Variants in ACSS3 observed in about 807,000 individuals in gnomAD.
ACSS3 encodes acyl-CoA synthetase short chain family member 3, also known as acyl-CoA synthetase short-chain family member 3, mitochondrial.
ACSS3 carries 64 observed loss-of-function variants against 84.2 expected under a neutral mutation model. That is an observed-to-expected ratio of 0.76 (90% confidence interval 0.62 to 0.94). The LOEUF (loss-of-function observed/expected upper bound fraction) is 0.94, where lower values mean the gene tolerates loss of function less well. ACSS3 is among the 40% of genes least tolerant of loss of function. The pLI, the probability that ACSS3 is intolerant of heterozygous loss-of-function variation, is 0.00. For synonymous variants in ACSS3, 317 were observed against 310.1 expected, an observed-to-expected ratio of 1.02 and a Z score of -0.23; for missense variants, 815 against 867.6, an observed-to-expected ratio of 0.94 and a Z score of 0.76.
rs560341739 is a variant in ACSS3, at chr12:81,114,949, A to G, written c.456+5245A>G. On this transcript the variant is annotated intron_variant, in intron 2 of 15. Transcript: ENST00000548058. ...CAGCCCCTACATGATTGCTATTCAG[A>G]CATCTAAAGGTTTACCTGCTTTTGA... Among the ~76,000 whole-genome samples the G allele has an allele frequency of 5.3e-5, 8 of 152,266 alleles. No homozygotes were observed. In the South Asian group the frequency reaches 1.7e-3, roughly 32 times the overall value.
Position 81,155,489 on chromosome 12 carries a change from C to G in ACSS3, c.1098+3393C>G, listed in dbSNP as rs138186588. 2.2e-3 allele frequency among the ~76,000 whole-genome samples: 330 copies of G among 152,298 alleles called. 1 individual carries two copies. The highest frequency in any genetic ancestry group is 7.2e-3 in the African/African-American group (300 of 41,562). On this transcript the variant is annotated intron_variant, in intron 7 of 15. Coordinates refer to ENST00000548058, the MANE Select transcript of ACSS3 (RefSeq NM_024560.4). ...TGAACTGAGTTCTGTATCTCCACCC[C>G]ACCCTGCAAACCATATTTCCTTCAG... is the stretch of plus-strand genomic sequence containing the variant.
chr12:81,094,773 T>TATGAAAAA (rs1401092511), intron 1 of ACSS3: 2 of 152,116 alleles, frequency 1.3e-5, no homozygotes, highest in African/African-American at 4.8e-5. Context: ...AAAGATGTAA[T>TATGAAAAA]ATGAAAAAAT....
chr12:81,237,332 T>C (rs1031931530), intron 13 of ACSS3, among the ~76,000 whole-genome samples: 3 of 151,664 alleles, frequency 2.0e-5, no homozygotes, highest in Non-Finnish European at 4.4e-5. Flanking sequence ...CAAATCACTA[T>C]AGGTCTAATT....
chr12:81,119,310 C>T (rs1189104253), intron 2 of ACSS3, among the ~76,000 whole-genome samples: 1 of 152,116 alleles, frequency 6.6e-6, no homozygotes, highest in Admixed American at 6.5e-5. Flanking sequence ...GATCACAAGG[C>T]AAAGGGCAAA....
chr12:81,174,598 GCAAA>G, intron 7 of ACSS3, 186 bp from the exon 8 acceptor site: 1 of 511,488 alleles, frequency 2.0e-6, no homozygotes, highest in East Asian at 3.1e-5. Context: ...CTAAAATGGA[GCAAA>G]CAGTCTCTGT....
chr12:81,088,066 G>A (rs1235636690), intron 1 of ACSS3, among the ~76,000 whole-genome samples: 3 of 152,178 alleles, frequency 2.0e-5, no homozygotes, highest in African/African-American at 2.4e-5. Flanking sequence ...CCACATATAC[G>A]TGATTATGCG....
chr12:81,199,233 G>T, intron 8 of ACSS3, 108 bp from the exon 9 acceptor site: 3 of 922,426 alleles, frequency 3.3e-6, no homozygotes, highest in Non-Finnish European at 4.9e-6. Context: ...TTATATTGCT[G>T]TATTCCTCTG....
intron 1 of ACSS3, among the ~76,000 whole-genome samples, chr12:81,098,566 A>AG: frequency 6.6e-6 from 1 of 152,290 alleles, no homozygotes; most frequent in East Asian, 1.9e-4. Flanking sequence ...TACCTCACAG[A>AG]GTCCTCATGA....
intron 5 of ACSS3, among the ~76,000 whole-genome samples, chr12:81,144,615 A>T (rs1247426556): frequency 1.3e-5 from 2 of 152,214 alleles, no homozygotes; most frequent in Non-Finnish European, 2.9e-5. Flanking sequence ...AAAACTCCTG[A>T]CCCTGAAAAC....
At chr12:81,106,720 C>A (rs1284068661) in intron 1 of ACSS3, among the ~76,000 whole-genome samples, 2 of 152,004 alleles carry the variant, frequency 1.3e-5, no homozygotes, top group African/African-American at 2.4e-5. Flanking sequence ...ATGAACAAAG[C>A]CATTATAGCA....
At chr12:81,231,240 A>T (rs1330971060) in intron 12 of ACSS3, 102 bp downstream of exon 12, 1 of 976,996 alleles carries the variant, frequency 1.0e-6, no homozygotes, top group East Asian at 2.7e-5. Context: ...TCAAAAAGAA[A>T]CTTTTAAAGG....
chr12:81,220,914 G>A (rs1012942539), intron 11 of ACSS3, among the ~76,000 whole-genome samples: 3 of 151,536 alleles, frequency 2.0e-5, no homozygotes, highest in African/African-American at 7.3e-5. Context: ...TTTTCGTCTT[G>A]TTTTTCTGCT....
At chr12:81,247,978 T>C (rs1344227310) in intron 13 of ACSS3, among the ~76,000 whole-genome samples, 1 of 152,108 alleles carries the variant, frequency 6.6e-6, no homozygotes, top group Non-Finnish European at 1.5e-5. Flanking sequence ...ATCTACACTT[T>C]TCCAGTTTCC....
Position 81,257,432 on chromosome 12 carries a change from T to C in ACSS3, c.*2510T>C, listed in dbSNP as rs1353634387. ...TTAAAGATTCTGAATTAAATGTATC[T>C]TTAAAAACAACAATATAATATTACT... is the stretch of plus-strand genomic sequence containing the variant. On this transcript the variant is annotated 3_prime_UTR_variant, in exon 16 of 16. Transcript: ENST00000548058. 1 of 152,182 alleles carries C rather than the reference T, an allele frequency of 6.6e-6. No individual in the cohort carries two copies. Among genetic ancestry groups the C allele is most frequent in the Non-Finnish European group, 1.5e-5 (1 of 68,030 alleles). The allele number at this position is 152,182 out of a possible 1,614,324, so 9.4% of individuals were successfully genotyped here.
At chr12:81,098,264 G>T (rs780487675) in intron 1 of ACSS3, among the ~76,000 whole-genome samples, 12 of 151,750 alleles carry the variant, frequency 7.9e-5, no homozygotes, top group Non-Finnish European at 1.3e-4. Context: ...GGCTCCAGCC[G>T]CCCACAACCC....
intron 11 of ACSS3, among the ~76,000 whole-genome samples, chr12:81,223,362 C>T (rs746584779): frequency 8.8e-4 from 134 of 152,172 alleles, no homozygotes; most frequent in Middle Eastern, 3.4e-3. Flanking sequence ...TGCCTGTTCA[C>T]ATATTTACAG....
chr12:81,141,772 C>A (rs1414506421), intron 4 of ACSS3, among the ~76,000 whole-genome samples: 1 of 152,020 alleles, frequency 6.6e-6, no homozygotes, highest in East Asian at 1.9e-4. Flanking sequence ...CAATTAGTTG[C>A]TTTTATCCAT....
intron 3 of ACSS3, among the ~76,000 whole-genome samples, chr12:81,137,353 AC>A (rs1885861613): frequency 6.8e-6 from 1 of 146,272 alleles, no homozygotes; most frequent in Admixed American, 6.8e-5. Flanking sequence ...ACACACACAC[AC>A]ACACACACAC....
At chr12:81,115,110 A>T (rs1042013570) in intron 2 of ACSS3, among the ~76,000 whole-genome samples, 5 of 152,290 alleles carry the variant, frequency 3.3e-5, no homozygotes, top group African/African-American at 1.2e-4. Flanking sequence ...GGTTGGGACT[A>T]TTACAAACAA....
Sources: allele counts gnomAD v4.1 joint callset (sites outside exome capture counted in the v4.1 genomes callset), GRCh38; gene constraint gnomAD v4.1.1; transcripts MANE v1.5; gene names NCBI Gene and HGNC (gene_info 2026-07-23, HGNC 2026-07-21).